FCHO2: variants seen among roughly 807,000 people sequenced by gnomAD.
The protein encoded by FCHO2 is FCH and mu domain containing endocytic adaptor 2.
In FCHO2, 43 loss-of-function variants were observed where a neutral mutation model predicts 114.1. That is an observed-to-expected ratio of 0.38 (90% CI 0.30 to 0.49). The LOEUF (loss-of-function observed/expected upper bound fraction) is 0.49. FCHO2 is among the 20% of genes least tolerant of loss of function. The pLI, the probability that FCHO2 is intolerant of heterozygous loss-of-function variation, is 0.97. For missense variants in FCHO2, 807 were observed against 950.4 expected, an observed-to-expected ratio of 0.85 and a Z score of 1.98; for synonymous variants, 293 against 315.2, an observed-to-expected ratio of 0.93 and a Z score of 0.75.
intron 1 of FCHO2, among the ~76,000 whole-genome samples, chr5:72,958,912 G>A (rs1328682119): frequency 6.6e-6 from 1 of 152,078 alleles, no homozygotes; most frequent in Non-Finnish European, 1.5e-5. Flanking sequence ...GCATAGCTTT[G>A]TTTGATGTTT....
At chr5:73,003,955 G>A (rs139140520) in intron 5 of FCHO2, among the ~76,000 whole-genome samples, 7 of 151,132 alleles carry the variant, frequency 4.6e-5, no homozygotes, top group African/African-American at 9.7e-5. Context: ...GACCGAGGCA[G>A]GAGAAGCGCT....
At chr5:73,049,546 C>G (rs1757245394) in intron 11 of FCHO2, among the ~76,000 whole-genome samples, 1 of 151,908 alleles carries the variant, frequency 6.6e-6, no homozygotes, top group Admixed American at 6.6e-5. Flanking sequence ...TCCTCTTCTG[C>G]TTTTAGGCAT....
At chr5:73,004,521 A>G (rs1754611076) in intron 5 of FCHO2, among the ~76,000 whole-genome samples, 1 of 152,162 alleles carries the variant, frequency 6.6e-6, no homozygotes. Context: ...TTTCTTGATG[A>G]TATTTCTTGT....
intron 5 of FCHO2, among the ~76,000 whole-genome samples, chr5:72,994,319 A>G (rs568632187): frequency 6.6e-6 from 1 of 152,340 alleles, no homozygotes; most frequent in South Asian, 2.1e-4. Flanking sequence ...AAAAGTGGGC[A>G]AAGGACATGA....
chr5:73,051,495 AT>A, intron 12 of FCHO2, 89 bp downstream of exon 12: 1 of 690,282 alleles, frequency 1.4e-6, no homozygotes, highest in Middle Eastern at 3.2e-4. Flanking sequence ...GCCTCTTCCA[AT>A]TTTTTATTAA....
chr5:73,014,815 C>T (rs1755213071), intron 6 of FCHO2, among the ~76,000 whole-genome samples: 1 of 151,860 alleles, frequency 6.6e-6, no homozygotes, highest in South Asian at 2.1e-4. Context: ...TGCGGTGGCT[C>T]ACGCCTGTAT....
intron 2 of FCHO2, among the ~76,000 whole-genome samples, chr5:72,969,064 G>A (rs1202506368): frequency 1.3e-5 from 2 of 151,930 alleles, no homozygotes; most frequent in African/African-American, 2.4e-5. Context: ...AGAATATAGC[G>A]AATTTAAAAG....
intron 1 of FCHO2, among the ~76,000 whole-genome samples, chr5:72,964,216 G>A (rs1370286652): frequency 6.6e-6 from 1 of 151,950 alleles, no homozygotes; most frequent in Non-Finnish European, 1.5e-5. Context: ...TCAACTAACT[G>A]GCAGAGGTGA....
At chr5:73,017,163 C>G (rs1755345798) in intron 7 of FCHO2, 49 bp from the exon 8 acceptor site, 1 of 1,069,440 alleles carries the variant, frequency 9.4e-7, no homozygotes, top group Non-Finnish European at 1.3e-6. Context: ...ATCTGAAATA[C>G]ACTAAGAATG....
intron 6 of FCHO2, among the ~76,000 whole-genome samples, chr5:73,010,463 C>G (rs993704788): frequency 2.6e-5 from 4 of 152,032 alleles, no homozygotes; most frequent in Admixed American, 2.0e-4. Context: ...TTAGGATTAG[C>G]GTACTTTTAT....
intron 2 of FCHO2, among the ~76,000 whole-genome samples, chr5:72,974,782 C>G (rs893388464): frequency 6.6e-6 from 1 of 152,204 alleles, no homozygotes; most frequent in African/African-American, 2.4e-5. Flanking sequence ...TTAGTTGATG[C>G]AGTTTCTTCC....
chr5:72,990,497 G>T lies in FCHO2; in HGVS notation c.220G>T (p.Asp74Tyr). 1 of 1,524,346 alleles carries T rather than the reference G, an allele frequency of 6.6e-7. No homozygotes were observed. 94.4% of individuals were successfully genotyped at this position (1,524,346 alleles called of 1,614,324 possible). A position where few individuals can be genotyped will look rare whatever the true frequency, so the allele number is the denominator to read the frequency against. The change falls in exon 4 of 26, where the codon GAT becomes TAT. Residue 74 changes from aspartate (D) to tyrosine (Y), a missense_variant. By Grantham distance (160) the Asp-to-Tyr change is radical. Transcript: ENST00000430046. The stretch of plus-strand genomic sequence containing the variant: ...TCTTAGAACATTTGCACCAGTATGG[G>T]ATGTATTCAAAACATCTACAGAGAA... ...SQLGTFAPVW[D>Y]VFKTSTEKLA...
intron 8 of FCHO2, among the ~76,000 whole-genome samples, chr5:73,033,168 A>G (rs998035712): frequency 6.6e-6 from 1 of 152,020 alleles, no homozygotes; most frequent in Admixed American, 6.6e-5. Flanking sequence ...TAATTGGGTC[A>G]TTTTCTGACT....
At position 72,989,489 on chromosome 5, in the gene FCHO2, A is replaced by T; in HGVS notation, c.188A>T (p.Tyr63Phe). Residue 63 changes from tyrosine (Y) to phenylalanine (F), a missense_variant, in exon 3 of 26, where the codon TAT (tyrosine) becomes TTT (phenylalanine). Physicochemically the swap from Tyr to Phe is conservative, Grantham distance 22. Transcript: ENST00000430046. The stretch of plus-strand genomic sequence containing the variant: ...AAACTAGCAAAATCTGCAAGCAATT[A>T]TTCACAACTTGGGTGAGTTAATTTC... ...MTKLAKSASN[Y>F]SQLGTFAPVW... 1.9e-6 allele frequency: 3 copies of T among 1,603,030 alleles called. No homozygotes were observed. Among genetic ancestry groups the T allele is most frequent in the Non-Finnish European group, 1.7e-6 (2 of 1,174,296 alleles).
chr5:73,062,486 G>T (rs2112860629), intron 17 of FCHO2, among the ~76,000 whole-genome samples: 1 of 152,086 alleles, frequency 6.6e-6, no homozygotes, highest in South Asian at 2.1e-4. Flanking sequence ...AAGTAGATAT[G>T]TAATACACAG....
At position 73,087,676 on chromosome 5, in the gene FCHO2, G is replaced by C. The variant is rs770477970; in HGVS notation, c.2333G>C (p.Ser778Thr). 1 of 1,613,834 alleles carries C rather than the reference G, an allele frequency of 6.2e-7. No individual in the cohort carries two copies. The highest frequency in any genetic ancestry group is 8.5e-7 in the Non-Finnish European group (1 of 1,179,806). Reference protein sequence around the residue: ...TLAVQFLSEGSTLSGVDFELV... With the variant: ...TLAVQFLSEGTTLSGVDFELV... The stretch of plus-strand genomic sequence containing the variant: ...GCAGTACAATTCCTCAGCGAGGGAA[G>C]TACCCTTTCAGGAGTAGATTTCGAA... The change falls in exon 25 of 26, where the codon AGT becomes ACT. Residue 778 changes from serine (S) to threonine (T), a missense_variant. Physicochemically the swap from Ser to Thr is moderately conservative, Grantham distance 58 (BLOSUM62 1). Coordinates refer to ENST00000430046, the MANE Select transcript of FCHO2 (RefSeq NM_138782.3).
intron 2 of FCHO2, among the ~76,000 whole-genome samples, chr5:72,988,214 C>T (rs1241650322): frequency 1.3e-5 from 2 of 151,936 alleles, no homozygotes. Context: ...CTGAGTGGGG[C>T]GGATCACAAG....
At chr5:73,074,441 A>G (rs756942700) in intron 19 of FCHO2, among the ~76,000 whole-genome samples, 7 of 152,052 alleles carry the variant, frequency 4.6e-5, no homozygotes, top group Non-Finnish European at 4.4e-5. Flanking sequence ...TTTGAAGCCA[A>G]TATTTTTGAA....
intron 11 of FCHO2, among the ~76,000 whole-genome samples, chr5:73,047,695 A>T (rs1266213851): frequency 6.6e-6 from 1 of 152,112 alleles, no homozygotes; most frequent in African/African-American, 2.4e-5. Context: ...TAGTGTTTAT[A>T]TATAACCCAC....
Sources: gnomAD v4.1 joint callset for allele counts (sites outside exome capture counted in the v4.1 genomes callset) on GRCh38, gnomAD v4.1.1 for gene constraint, MANE v1.5 for transcripts, NCBI Gene and HGNC (gene_info 2026-07-23, HGNC 2026-07-21) for gene names.